The following ZNF474 variants were observed in gnomAD, a reference collection of about 807,000 sequenced individuals.
The protein encoded by ZNF474 is 4933409D10Rik.
For synonymous variants in ZNF474, 192 were observed against 162.2 expected (o/e 1.18, Z -1.39); for missense variants, 511 against 433.8 (o/e 1.18, Z -1.58).
intron 1 of ZNF474, among the ~76,000 whole-genome samples, chr5:122,141,714 C>T (rs1281288307): frequency 6.6e-6 from 1 of 152,204 alleles, no homozygotes; most frequent in East Asian, 1.9e-4. Flanking sequence ...GCTGGGATTA[C>T]AGGCATGAAC....
chr5:122,151,963 C>G lies in ZNF474; in HGVS notation c.-28C>G. On this transcript the variant is annotated 5_prime_UTR_variant, in exon 2 of 2. Coordinates refer to ENST00000296600, the MANE Select transcript of ZNF474 (RefSeq NM_207317.3). The stretch of plus-strand genomic sequence containing the variant: ...AAGTGAGTCTGGCCTGAAATCAGAG[C>G]AAGCACTACAGAAAGACATCTTTGT... The G allele has an allele frequency of 1.3e-6, 2 of 1,585,736 alleles. No individual in the cohort carries two copies. Among genetic ancestry groups the G allele is most frequent in the Non-Finnish European group, 1.7e-6 (2 of 1,171,574 alleles).
intron 1 of ZNF474, among the ~76,000 whole-genome samples, chr5:122,145,086 C>T (rs75627956): frequency 6.6e-5 from 10 of 152,244 alleles, no homozygotes; most frequent in Non-Finnish European, 1.0e-4. Context: ...ACACCATAGA[C>T]TATTATGTTC....
At chr5:122,139,424 T>C (rs187988174) in intron 1 of ZNF474, among the ~76,000 whole-genome samples, 3 of 152,284 alleles carry the variant, frequency 2.0e-5, no homozygotes, top group Admixed American at 2.0e-4. Flanking sequence ...ATTTATTTTA[T>C]TGTCAATTTT....
At chr5:122,139,728 G>C (rs1324996901) in intron 1 of ZNF474, among the ~76,000 whole-genome samples, 2 of 152,154 alleles carry the variant, frequency 1.3e-5, no homozygotes, top group African/African-American at 2.4e-5. Context: ...CTGAATAAAA[G>C]TGAAATATTA....
Position 122,152,715 on chromosome 5 carries a change from A to G in ZNF474, c.725A>G (p.Lys242Arg), listed in dbSNP as rs758815883. The change falls in exon 2 of 2, where the codon AAA becomes AGA. Residue 242 changes from lysine (K) to arginine (R), a missense_variant. Physicochemically the swap from Lys to Arg is conservative, Grantham distance 26. Coordinates refer to ENST00000296600, the MANE Select transcript of ZNF474 (RefSeq NM_207317.3). Reference sequence around the variant, plus strand: ...CTGTCCCTTCCTATTCATGAGCCCAAATGCCTGGAAAAGTGGAAAATGGAA... The same window carrying G: ...CTGTCCCTTCCTATTCATGAGCCCAGATGCCTGGAAAAGTGGAAAATGGAA... ...GTLSLPIHEPKCLEKWKMEND... is the reference protein window; with the variant it reads ...GTLSLPIHEPRCLEKWKMEND... 8 of 1,614,014 alleles carry G rather than the reference A, an allele frequency of 5.0e-6. No individual in the cohort carries two copies. The highest frequency in any genetic ancestry group is 6.8e-6 in the Non-Finnish European group (8 of 1,180,046).
chr5:122,136,205 C>T (rs1264181910), intron 1 of ZNF474, among the ~76,000 whole-genome samples: 1 of 152,120 alleles, frequency 6.6e-6, no homozygotes, highest in Non-Finnish European at 1.5e-5. Flanking sequence ...CAATTACCCT[C>T]ATTTGATTAT....
intron 1 of ZNF474, among the ~76,000 whole-genome samples, chr5:122,132,766 G>A (rs1755607933): frequency 6.6e-6 from 1 of 152,020 alleles, no homozygotes; most frequent in Non-Finnish European, 1.5e-5. Flanking sequence ...AATTGTCTTG[G>A]CATCTTCATC....
Position 122,135,260 on chromosome 5 carries a change from G to A in ZNF474, c.-213+5577G>A, listed in dbSNP as rs7708706. On this transcript the variant is annotated intron_variant, in intron 1 of 1. Coordinates refer to ENST00000296600, the MANE Select transcript of ZNF474 (RefSeq NM_207317.3). ...TGAGGTGGGAGGATCACTTGAGGCC[G>A]TAAGTTAGAGACCAGCCTGGGCAAC... Among the ~76,000 whole-genome samples, 1,482 of 152,162 alleles carry A rather than the reference G, an allele frequency of 9.7e-3. 25 individuals are homozygous for A. The highest frequency in any genetic ancestry group is 0.033 in the African/African-American group (1,388 of 41,504).
chr5:122,149,115 G>A (rs560987943), intron 1 of ZNF474, among the ~76,000 whole-genome samples: 142 of 152,206 alleles, frequency 9.3e-4, no homozygotes, highest in African/African-American at 3.3e-3. Context: ...TCAAGTACAC[G>A]TGGGCATAAA....
chr5:122,141,818 C>A (rs1580603150), intron 1 of ZNF474, among the ~76,000 whole-genome samples: 1 of 152,178 alleles, frequency 6.6e-6, no homozygotes, highest in South Asian at 2.1e-4. Flanking sequence ...GAGGTGCCTG[C>A]ATTTTTTAAC....
At chr5:122,144,961 A>G (rs1755949111) in intron 1 of ZNF474, among the ~76,000 whole-genome samples, 1 of 152,218 alleles carries the variant, frequency 6.6e-6, no homozygotes, top group South Asian at 2.1e-4. Context: ...TTGATCTAAC[A>G]GTAGTTTTCA....
intron 1 of ZNF474, among the ~76,000 whole-genome samples, chr5:122,145,364 A>C (rs562186583): frequency 6.6e-6 from 1 of 152,208 alleles, no homozygotes; most frequent in South Asian, 2.1e-4. Context: ...TTTCCCACTC[A>C]CATTAGATTG....
intron 1 of ZNF474, among the ~76,000 whole-genome samples, chr5:122,136,809 A>T (rs937690845): frequency 6.6e-6 from 1 of 152,288 alleles, no homozygotes; most frequent in Admixed American, 6.5e-5. Flanking sequence ...TTTATTCCTC[A>T]TATAAATAAT....
chr5:122,137,446 C>CAA (rs1166694085), intron 1 of ZNF474, among the ~76,000 whole-genome samples: 848 of 11,610 alleles, frequency 0.073, 269 homozygotes, highest in Non-Finnish European at 0.1. Flanking sequence ...GACTCTGTCT[C>CAA]AAAAAAAAAA....
At chr5:122,143,422 A>C (rs921917104) in intron 1 of ZNF474, among the ~76,000 whole-genome samples, 1 of 152,196 alleles carries the variant, frequency 6.6e-6, no homozygotes, top group Non-Finnish European at 1.5e-5. Flanking sequence ...GGGGCTGGCA[A>C]ACATATGCAT....
intron 1 of ZNF474, among the ~76,000 whole-genome samples, chr5:122,144,317 C>T (rs10069311): frequency 0.016 from 2,358 of 152,092 alleles, 54 homozygotes; most frequent in African/African-American, 0.049. Context: ...GAAAAATGTC[C>T]CCACAGGACA....
At chr5:122,138,598 T>A (rs907610559) in intron 1 of ZNF474, among the ~76,000 whole-genome samples, 1 of 152,254 alleles carries the variant, frequency 6.6e-6, no homozygotes, top group Non-Finnish European at 1.5e-5. Flanking sequence ...CCAACAATTG[T>A]CCTTATTAGT....
Position 122,151,958 on chromosome 5 carries a change from C to G in ZNF474, c.-33C>G, listed in dbSNP as rs112289805. Reference sequence around the variant, plus strand: ...GCCCAAAGTGAGTCTGGCCTGAAATCAGAGCAAGCACTACAGAAAGACATC... The same window carrying G: ...GCCCAAAGTGAGTCTGGCCTGAAATGAGAGCAAGCACTACAGAAAGACATC... On this transcript the variant is annotated 5_prime_UTR_variant, in exon 2 of 2. In the 5' UTR this introduces an upstream ATG that the reference lacks. Coordinates refer to ENST00000296600, the MANE Select transcript of ZNF474 (RefSeq NM_207317.3). 3.8e-6 allele frequency: 6 copies of G among 1,577,284 alleles called. No individual in the cohort carries two copies. Among genetic ancestry groups the G allele is most frequent in the African/African-American group, 1.4e-5 (1 of 73,464 alleles).
In ZNF474 at chr5:122,150,427, C is replaced by T. The variant is rs1469164889; in HGVS notation, c.-212-1352C>T. 2.0e-5 allele frequency among the ~76,000 whole-genome samples: 3 copies of T among 152,174 alleles called. No homozygotes were observed. The East Asian group carries it at 5.8e-4, about 29-fold the overall frequency. On this transcript the variant is annotated intron_variant, in intron 1 of 1. Coordinates refer to ENST00000296600, the MANE Select transcript of ZNF474 (RefSeq NM_207317.3). ...GGCACCAAAGTACAGGAGCTGGGCACAGATATCACAGCTCTTCTTGTTCTT... is the reference window on the plus strand; with the variant it reads ...GGCACCAAAGTACAGGAGCTGGGCATAGATATCACAGCTCTTCTTGTTCTT...
Sources: allele counts gnomAD v4.1 joint callset (sites outside exome capture counted in the v4.1 genomes callset), GRCh38; gene constraint gnomAD v4.1.1; transcripts MANE v1.5; gene names NCBI Gene and HGNC (gene_info 2026-07-23, HGNC 2026-07-21).